Variants in ZDHHC14 observed in about 807,000 individuals in gnomAD.
ZDHHC14 encodes the protein palmitoyltransferase ZDHHC14.
In ZDHHC14, 16 loss-of-function variants were observed where a neutral mutation model predicts 47.7. The ratio of observed to expected loss-of-function variants is 0.34; its 90% confidence interval spans 0.23 to 0.51. ZDHHC14 has a LOEUF of 0.51. Ranked by LOEUF, ZDHHC14 falls within the 20% of genes least tolerant of loss-of-function variation. The pLI, the probability that ZDHHC14 is intolerant of heterozygous loss-of-function variation, is 0.97. For synonymous variants in ZDHHC14, 293 were observed against 278.9 expected, an observed-to-expected ratio of 1.05 and a Z score of -0.50; for missense variants, 515 against 662.5, an observed-to-expected ratio of 0.78 and a Z score of 2.44.
chr6:157,621,621 C>A (rs1785189861), intron 3 of ZDHHC14, among the ~76,000 whole-genome samples: 1 of 152,154 alleles, frequency 6.6e-6, no homozygotes, highest in Non-Finnish European at 1.5e-5. Context: ...ATTACCCATG[C>A]CTGGCCACAG....
chr6:157,406,299 G>A (rs899649304), intron 1 of ZDHHC14, among the ~76,000 whole-genome samples: 5 of 152,312 alleles, frequency 3.3e-5, no homozygotes, highest in South Asian at 2.1e-4. Flanking sequence ...GAAGGGATCC[G>A]TGTATCTGTT....
chr6:157,451,534 TAATC>T (rs1348499259), intron 1 of ZDHHC14, among the ~76,000 whole-genome samples: 3 of 152,236 alleles, frequency 2.0e-5, no homozygotes, highest in East Asian at 3.8e-4. Context: ...ATTAATGAAA[TAATC>T]AATTGCTGAA....
rs895072648 is a variant in ZDHHC14, at chr6:157,486,103, C to T, written c.246-56482C>T. ...TGAGGTGACTGTGTTAGTTCTATTCCGTGGTGTTTATCATTCCATGCTATT... is the reference window on the plus strand; with the variant it reads ...TGAGGTGACTGTGTTAGTTCTATTCTGTGGTGTTTATCATTCCATGCTATT... On this transcript the variant is annotated intron_variant, in intron 1 of 8. Coordinates refer to ENST00000359775, the MANE Select transcript of ZDHHC14 (RefSeq NM_024630.3). 4.6e-5 allele frequency among the ~76,000 whole-genome samples: 7 copies of T among 152,250 alleles called. No individual in the cohort carries two copies. In the South Asian group the frequency reaches 8.3e-4, roughly 18 times the overall value.
At chr6:157,609,742 G>C (rs1013243234) in intron 3 of ZDHHC14, among the ~76,000 whole-genome samples, 2 of 152,194 alleles carry the variant, frequency 1.3e-5, no homozygotes, top group Non-Finnish European at 2.9e-5. Context: ...CAAGGAGTAA[G>C]CAAGCCCTTC....
rs1475974284 is a variant in ZDHHC14 at position 157,427,333 on chromosome 6, A to G, written c.245+45067A>G. ...GAGGGTTGGGGTCTCAGCGTTTGGA[A>G]ATGTCACTCAGTGAAATAGGAAGGG... On this transcript the variant is annotated intron_variant, in intron 1 of 8. Coordinates refer to ENST00000359775, the MANE Select transcript of ZDHHC14 (RefSeq NM_024630.3). The surrounding 1 kb of genome is among the most constrained non-coding windows in gnomAD (Gnocchi z 4.4). Among the ~76,000 whole-genome samples the G allele has an allele frequency of 6.6e-6, 1 of 152,084 alleles. No homozygotes were observed. The highest frequency in any genetic ancestry group is 1.5e-5 in the Non-Finnish European group (1 of 68,020).
intron 1 of ZDHHC14, among the ~76,000 whole-genome samples, chr6:157,464,061 G>A (rs1227495009): frequency 6.6e-6 from 1 of 152,116 alleles, no homozygotes; most frequent in Non-Finnish European, 1.5e-5. Flanking sequence ...TAACACTAAT[G>A]ATGAAACTTT....
intron 2 of ZDHHC14, among the ~76,000 whole-genome samples, chr6:157,554,911 C>T (rs1782394546): frequency 6.6e-6 from 1 of 152,190 alleles, no homozygotes; most frequent in African/African-American, 2.4e-5. Flanking sequence ...GTCCCCTGTG[C>T]TCTATATAAG....
At chr6:157,575,714 C>T (rs1482068812) in intron 2 of ZDHHC14, among the ~76,000 whole-genome samples, 1 of 152,252 alleles carries the variant, frequency 6.6e-6, no homozygotes, top group African/African-American at 2.4e-5. Flanking sequence ...GTGGATTCTC[C>T]TGCTCTCTAA....
At chr6:157,445,201 T>C (rs1778640915) in intron 1 of ZDHHC14, among the ~76,000 whole-genome samples, 1 of 151,868 alleles carries the variant, frequency 6.6e-6, no homozygotes, top group African/African-American at 2.4e-5. Context: ...TTTATATATA[T>C]AAAAACCTGT....
chr6:157,402,718 C>T (rs973273035), intron 1 of ZDHHC14, among the ~76,000 whole-genome samples: 4 of 152,094 alleles, frequency 2.6e-5, no homozygotes, highest in African/African-American at 4.8e-5. Context: ...CTCAGACTGG[C>T]GATGTACCTC....
chr6:157,556,837 C>G (rs1469608008), intron 2 of ZDHHC14, among the ~76,000 whole-genome samples: 1 of 152,112 alleles, frequency 6.6e-6, no homozygotes, highest in Non-Finnish European at 1.5e-5. Flanking sequence ...CGGGCGGGTT[C>G]CAGGCGAGCT....
chr6:157,672,007 C>T (rs1470289541), intron 8 of ZDHHC14, among the ~76,000 whole-genome samples: 2 of 152,206 alleles, frequency 1.3e-5, no homozygotes, highest in Non-Finnish European at 2.9e-5. Context: ...CCAGCTCCCT[C>T]TTCCTCCCGC....
chr6:157,633,966 T>A (rs573683267), intron 5 of ZDHHC14, among the ~76,000 whole-genome samples: 1 of 152,342 alleles, frequency 6.6e-6, no homozygotes, highest in East Asian at 1.9e-4. Context: ...TAGGGATTTC[T>A]TAAGAATGAA....
chr6:157,452,953 C>A (rs1778837568), intron 1 of ZDHHC14, among the ~76,000 whole-genome samples: 1 of 152,056 alleles, frequency 6.6e-6, no homozygotes, highest in East Asian at 1.9e-4. Flanking sequence ...GATCCACCCG[C>A]CTTGGCCTCC....
chr6:157,456,136 C>T (rs553503628), intron 1 of ZDHHC14, among the ~76,000 whole-genome samples: 2 of 152,266 alleles, frequency 1.3e-5, no homozygotes, highest in South Asian at 2.1e-4. Flanking sequence ...AGGCCTGCTG[C>T]GGGAGGGAAG....
chr6:157,460,878 G>A (rs1442777760), intron 1 of ZDHHC14, among the ~76,000 whole-genome samples: 1 of 152,154 alleles, frequency 6.6e-6, no homozygotes, highest in African/African-American at 2.4e-5. Flanking sequence ...ACGGTCCTAG[G>A]CCCAGTTGTG....
chr6:157,498,335 G>A lies in ZDHHC14; in HGVS notation c.246-44250G>A, dbSNP rs145664176. Among the ~76,000 whole-genome samples the A allele has an allele frequency of 1.9e-3, 283 of 152,156 alleles. 1 individual carries two copies. Among genetic ancestry groups the A allele is most frequent in the African/African-American group, 6.5e-3 (270 of 41,546 alleles). On this transcript the variant is annotated intron_variant, in intron 1 of 8. Transcript: ENST00000359775. ...AGACTTGGAGAGTGGAAGGTAGAGCGCAGCCCTTACAGTGGATATAATTTT... is the reference window on the plus strand; with the variant it reads ...AGACTTGGAGAGTGGAAGGTAGAGCACAGCCCTTACAGTGGATATAATTTT...
At chr6:157,471,179 C>T (rs1331783195) in intron 1 of ZDHHC14, among the ~76,000 whole-genome samples, 1 of 152,204 alleles carries the variant, frequency 6.6e-6, no homozygotes, top group Non-Finnish European at 1.5e-5. Context: ...GTATCCCCAC[C>T]CCCAGGACTT....
chr6:157,436,191 T>A (rs1440591209), intron 1 of ZDHHC14, among the ~76,000 whole-genome samples: 1 of 152,142 alleles, frequency 6.6e-6, no homozygotes, highest in Non-Finnish European at 1.5e-5. Context: ...GATAACTTAA[T>A]GTTTCCGATC....
Sources: allele counts gnomAD v4.1 joint callset (sites outside exome capture counted in the v4.1 genomes callset), GRCh38; gene constraint gnomAD v4.1.1; non-coding constraint Gnocchi (gnomAD v3.1); transcripts MANE v1.5; gene names NCBI Gene and HGNC (gene_info 2026-07-23, HGNC 2026-07-21).